The following TASP1 variants were observed in gnomAD, a reference collection of about 807,000 sequenced individuals.
TASP1 encodes the protein taspase 1.
A neutral mutation model predicts 56.6 loss-of-function variants in TASP1; 16 were observed. The ratio of observed to expected loss-of-function variants is 0.28; its 90% CI spans 0.19 to 0.43. The LOEUF (loss-of-function observed/expected upper bound fraction) is 0.43. TASP1 is among the 20% of genes least tolerant of loss of function. The pLI is 1.00. For missense variants in TASP1, 393 were observed against 511.6 expected, an observed-to-expected ratio of 0.77 and a Z score of 2.24; for synonymous variants, 179 against 184.2, an observed-to-expected ratio of 0.97 and a Z score of 0.23.
intron 8 of TASP1, among the ~76,000 whole-genome samples, chr20:13,549,002 A>G (rs146844469): frequency 1.6e-4 from 25 of 152,276 alleles, no homozygotes; most frequent in African/African-American, 6.0e-4. Flanking sequence ...GGAAGTTTGG[A>G]CATACTCCAT....
rs568707590 is a variant in TASP1, at chr20:13,434,002, C to T, written c.1096+1042G>A. On this transcript the variant is annotated intron_variant, in intron 12 of 13. Transcript: ENST00000337743. ...GACTGAAGATTAGACACAAGTGATA[C>T]GTATTCCTGATTCTATTTATATAAT... Among the ~76,000 whole-genome samples, 6 of 152,158 alleles carry T rather than the reference C, an allele frequency of 3.9e-5. No homozygotes were observed. In the South Asian group the frequency reaches 1.0e-3, roughly 26 times the overall value.
At chr20:13,264,539 C>G in the TASP1 span, among the ~76,000 whole-genome samples, 8 of 152,092 alleles carry the variant, frequency 5.3e-5, no homozygotes, top group African/African-American at 1.7e-4. Context: ...CTTGGTTGTC[C>G]AAAAAACCTC....
At chr20:13,216,153 G>A in the TASP1 span, among the ~76,000 whole-genome samples, 1 of 152,168 alleles carries the variant, frequency 6.6e-6, no homozygotes, top group African/African-American at 2.4e-5. Flanking sequence ...TGCCCTCATG[G>A]ACAGAATGTG....
the TASP1 span, among the ~76,000 whole-genome samples, chr20:13,274,691 C>T: frequency 1.2e-4 from 18 of 151,286 alleles, no homozygotes; most frequent in African/African-American, 3.6e-4. Context: ...GCCCGGCCCC[C>T]GGGCCTCTTG....
At chr20:13,554,090 C>A (rs892352231) in intron 8 of TASP1, among the ~76,000 whole-genome samples, 22 of 152,168 alleles carry the variant, frequency 1.4e-4, no homozygotes, top group Admixed American at 5.2e-4. Flanking sequence ...CTTACTCTCA[C>A]TTTGAATGCA....
intron 13 of TASP1, among the ~76,000 whole-genome samples, chr20:13,391,907 G>A (rs1349537762): frequency 1.3e-5 from 2 of 148,656 alleles, no homozygotes; most frequent in Admixed American, 6.7e-5. Context: ...GGTGGAGCTT[G>A]AAGTGAGCCG....
At chr20:13,220,206 C>A in the TASP1 span, among the ~76,000 whole-genome samples, 1 of 152,188 alleles carries the variant, frequency 6.6e-6, no homozygotes, top group Non-Finnish European at 1.5e-5. Context: ...TATAAAAGTC[C>A]CGGCCGGACT....
At chr20:13,201,539 C>A in the TASP1 span, among the ~76,000 whole-genome samples, 10 of 150,716 alleles carry the variant, frequency 6.6e-5, no homozygotes, top group Non-Finnish European at 1.3e-4. Context: ...AGAAAAATAG[C>A]ACTTAATTAT....
At chr20:13,544,532 A>C (rs2045737650) in intron 8 of TASP1, among the ~76,000 whole-genome samples, 1 of 144,136 alleles carries the variant, frequency 6.9e-6, no homozygotes, top group South Asian at 2.1e-4. Context: ...CTTCAAAGAC[A>C]GAAACAACAC....
the TASP1 span, among the ~76,000 whole-genome samples, chr20:13,207,505 TG>T: frequency 6.6e-6 from 1 of 152,212 alleles, no homozygotes; most frequent in African/African-American, 2.4e-5. Flanking sequence ...TTATGCAGGC[TG>T]GGACGTCCTG....
chr20:13,549,710 G>A (rs2146998480), intron 8 of TASP1, among the ~76,000 whole-genome samples: 1 of 152,162 alleles, frequency 6.6e-6, no homozygotes, highest in Middle Eastern at 3.4e-3. Context: ...TTCCTGATAG[G>A]AAAGCTACAA....
intron 4 of TASP1, among the ~76,000 whole-genome samples, chr20:13,610,729 A>C (rs2048323105): frequency 6.6e-6 from 1 of 152,034 alleles, no homozygotes; most frequent in Admixed American, 6.6e-5. Context: ...AAAATTCCAG[A>C]CTCTCATCCC....
chr20:13,541,458 T>C (rs540672342), intron 8 of TASP1, among the ~76,000 whole-genome samples: 16 of 152,282 alleles, frequency 1.1e-4, no homozygotes, highest in African/African-American at 3.6e-4. Flanking sequence ...GGCATTCTAC[T>C]TAACACTACA....
At chr20:13,210,321 C>T in the TASP1 span, among the ~76,000 whole-genome samples, 4 of 152,068 alleles carry the variant, frequency 2.6e-5, no homozygotes, top group African/African-American at 7.2e-5. Flanking sequence ...TATTTGTACA[C>T]GTCTTTTTGT....
the TASP1 span, among the ~76,000 whole-genome samples, chr20:13,228,629 C>A: frequency 6.6e-6 from 1 of 151,952 alleles, no homozygotes; most frequent in African/African-American, 2.4e-5. Flanking sequence ...AGATTCAGGG[C>A]TTTAGCTGTT....
At chr20:13,359,919 A>C in the TASP1 span, among the ~76,000 whole-genome samples, 1 of 151,532 alleles carries the variant, frequency 6.6e-6, no homozygotes, top group Admixed American at 6.6e-5. Flanking sequence ...TCTCATTAAA[A>C]CCTAATCACC....
chr20:13,310,448 A>G, the TASP1 span, among the ~76,000 whole-genome samples: 1 of 152,036 alleles, frequency 6.6e-6, no homozygotes, highest in Non-Finnish European at 1.5e-5. Context: ...AGACTTAAAT[A>G]TAAGACCTAA....
intron 11 of TASP1, among the ~76,000 whole-genome samples, chr20:13,480,348 C>T (rs558567299): frequency 1.5e-3 from 230 of 152,262 alleles, no homozygotes; most frequent in Non-Finnish European, 2.5e-3. Context: ...TACCATTTTA[C>T]ATTTTTTATT....
the TASP1 span, among the ~76,000 whole-genome samples, chr20:13,295,707 AAAG>A: frequency 2.0e-5 from 3 of 152,204 alleles, no homozygotes. Context: ...GACTCCTACA[AAAG>A]AAGAAAGGAA....
Sources: gnomAD v4.1 joint callset for allele counts (sites outside exome capture counted in the v4.1 genomes callset) on GRCh38, gnomAD v4.1.1 for gene constraint, MANE v1.5 for transcripts, NCBI Gene and HGNC (gene_info 2026-07-23, HGNC 2026-07-21) for gene names.